ATF2: variants seen among roughly 807,000 people sequenced by gnomAD.
The protein encoded by ATF2 is cyclic AMP-dependent transcription factor ATF-2.
Under a neutral mutation model 60.6 loss-of-function variants are expected in ATF2, and 24 were observed. That is an observed-to-expected ratio of 0.40 (90% CI 0.29 to 0.56). The LOEUF is 0.56. Among genes scored for constraint, ATF2 ranks in the 20% least tolerant of loss-of-function variants. The pLI is 0.54. For synonymous variants in ATF2, 206 were observed against 215.4 expected, an observed-to-expected ratio of 0.96 and a Z score of 0.38; for missense variants, 433 against 607.7, an observed-to-expected ratio of 0.71 and a Z score of 3.02.
At chr2:175,118,719 CAATT>C (rs1403210337) in intron 5 of ATF2, among the ~76,000 whole-genome samples, 1 of 151,502 alleles carries the variant, frequency 6.6e-6, no homozygotes, top group African/African-American at 2.4e-5. Flanking sequence ...TTAAAAACTA[CAATT>C]ATTTAAATAA....
intron 1 of ATF2, among the ~76,000 whole-genome samples, chr2:175,155,973 G>A (rs1406878912): frequency 6.6e-6 from 1 of 152,130 alleles, no homozygotes; most frequent in East Asian, 1.9e-4. Context: ...GTATATGAGT[G>A]TATTAGGCAG....
intron 2 of ATF2, among the ~76,000 whole-genome samples, chr2:175,142,405 G>C (rs556054704): frequency 2.8e-4 from 42 of 151,972 alleles, no homozygotes; most frequent in Admixed American, 4.6e-4. Context: ...CTGAACTCAG[G>C]TGATCCACGC....
chr2:175,153,975 T>G (rs1325437884), intron 1 of ATF2, among the ~76,000 whole-genome samples: 1 of 151,786 alleles, frequency 6.6e-6, no homozygotes, highest in East Asian at 1.9e-4. Context: ...ATCCCAGCAC[T>G]TTGGGAAACC....
intron 5 of ATF2, among the ~76,000 whole-genome samples, chr2:175,118,840 CTT>C (rs570940730): frequency 4.2e-4 from 64 of 151,480 alleles, no homozygotes; most frequent in African/African-American, 1.5e-3. Context: ...ATAAAACAAT[CTT>C]TAATAGGTAG....
intron 13 of ATF2, among the ~76,000 whole-genome samples, chr2:175,075,492 A>C (rs1693231160): frequency 6.6e-6 from 1 of 152,206 alleles, no homozygotes; most frequent in Non-Finnish European, 1.5e-5. Flanking sequence ...ATCTGAAAAG[A>C]TATTAAGGAA....
At chr2:175,140,643 A>ATTATACC (rs751581273) in intron 2 of ATF2, among the ~76,000 whole-genome samples, 6 of 151,860 alleles carry the variant, frequency 4.0e-5, no homozygotes, top group Non-Finnish European at 7.4e-5. Context: ...TTATAAGTCA[A>ATTATACC]TTATACCTTA....
intron 10 of ATF2, among the ~76,000 whole-genome samples, chr2:175,104,046 CTTTTT>C (rs36010749): frequency 7.0e-6 from 1 of 142,400 alleles, no homozygotes; most frequent in Non-Finnish European, 1.5e-5. Context: ...ACTCTGAAGA[CTTTTT>C]TTTTTTTTTA....
At chr2:175,111,685 A>G in intron 9 of ATF2, 31 bp from the exon 10 acceptor site, 3 of 1,559,036 alleles carry the variant, frequency 1.9e-6, no homozygotes, top group Non-Finnish European at 2.6e-6. Flanking sequence ...AATAATTGCT[A>G]GAGAATATAT....
rs1698870515 is a variant in ATF2 at position 175,145,278 on chromosome 2, T to A, written c.-44+5782A>T. Reference sequence around the variant, plus strand: ...TCATGGTGAATTGTAATCTTCAATGTTGGAGGTAGGGCCTGGTGAGAGGTG... The same window carrying A: ...TCATGGTGAATTGTAATCTTCAATGATGGAGGTAGGGCCTGGTGAGAGGTG... On this transcript the variant is annotated intron_variant, in intron 2 of 13. Transcript: ENST00000264110. Among the ~76,000 whole-genome samples the A allele has an allele frequency of 2.0e-5, 3 of 152,166 alleles. No individual in the cohort carries two copies. The South Asian group carries it at 6.2e-4, about 32-fold the overall frequency.
At chr2:175,122,203 A>G (rs1391241737) in intron 4 of ATF2, among the ~76,000 whole-genome samples, 1 of 152,020 alleles carries the variant, frequency 6.6e-6, no homozygotes, top group African/African-American at 2.4e-5. Context: ...TTTTATTTTT[A>G]AAGTTATCCA....
intron 1 of ATF2, among the ~76,000 whole-genome samples, chr2:175,162,644 C>T (rs1258251197): frequency 6.6e-6 from 1 of 151,972 alleles, no homozygotes; most frequent in Non-Finnish European, 1.5e-5. Context: ...TATCAAGTAA[C>T]AATCAAATAT....
chr2:175,138,869 T>G (rs1350538309), intron 2 of ATF2, among the ~76,000 whole-genome samples: 1 of 152,226 alleles, frequency 6.6e-6, no homozygotes, highest in African/African-American at 2.4e-5. Flanking sequence ...TACTGCCTAC[T>G]ACTTCTTGAA....
intron 3 of ATF2, among the ~76,000 whole-genome samples, chr2:175,135,414 A>AG (rs1698069083): frequency 6.6e-6 from 1 of 152,222 alleles, no homozygotes; most frequent in Non-Finnish European, 1.5e-5. Context: ...CAACACCACC[A>AG]GGAGGCAATC....
At chr2:175,160,429 A>AAC (rs1166991926) in intron 1 of ATF2, among the ~76,000 whole-genome samples, 3 of 152,312 alleles carry the variant, frequency 2.0e-5, no homozygotes, top group African/African-American at 7.2e-5. Flanking sequence ...TGCCCATTAA[A>AAC]ACAATGATAA....
At chr2:175,136,545 G>A (rs1345931024) in intron 2 of ATF2, 59 bp from the exon 3 acceptor site, 2 of 1,140,190 alleles carry the variant, frequency 1.8e-6, no homozygotes, top group Non-Finnish European at 2.6e-6. Flanking sequence ...TCTTGAAACA[G>A]TAGAAAATAA....
chr2:175,075,095 G>A, intron 13 of ATF2: 1 of 1,284,732 alleles, frequency 7.8e-7, no homozygotes, highest in Non-Finnish European at 1.0e-6. Flanking sequence ...TTGCTAAATA[G>A]TGTTAAAGAA....
intron 5 of ATF2, among the ~76,000 whole-genome samples, chr2:175,119,783 G>A (rs1200069146): frequency 6.6e-6 from 1 of 151,614 alleles, no homozygotes; most frequent in Non-Finnish European, 1.5e-5. Context: ...CAAAGGGTTT[G>A]TCTATCTAAG....
intron 1 of ATF2, among the ~76,000 whole-genome samples, chr2:175,163,989 GATAT>G (rs1217023381): frequency 1.6e-5 from 2 of 124,152 alleles, no homozygotes; most frequent in Non-Finnish European, 3.3e-5. Flanking sequence ...AAATTGAAAA[GATAT>G]ATATAATGAA....
chr2:175,166,737 C>T (rs1700372866), intron 1 of ATF2, among the ~76,000 whole-genome samples: 1 of 152,100 alleles, frequency 6.6e-6, no homozygotes, highest in Non-Finnish European at 1.5e-5. Flanking sequence ...AATGATAACG[C>T]CAGTGGTCAT....
Sources: gnomAD v4.1 joint callset for allele counts (sites outside exome capture counted in the v4.1 genomes callset) on GRCh38, gnomAD v4.1.1 for gene constraint, MANE v1.5 for transcripts, NCBI Gene and HGNC (gene_info 2026-07-23, HGNC 2026-07-21) for gene names.